Variants in PSME4 observed in about 807,000 individuals in gnomAD.
PSME4 encodes proteasome activator subunit 4, also known as proteasome activator complex subunit 4.
Under a neutral mutation model 253.9 loss-of-function variants are expected in PSME4, and 89 were observed. The observed-to-expected ratio is 0.35, with a 90% CI of 0.30 to 0.42. The LOEUF (loss-of-function observed/expected upper bound fraction) is 0.42. Among genes scored for constraint, PSME4 ranks in the 10% least tolerant of loss-of-function variants. The pLI is 1.00. For synonymous variants in PSME4, 851 were observed against 759.2 expected, an observed-to-expected ratio of 1.12 and a Z score of -1.99; for missense variants, 2,014 against 2,195.2, an observed-to-expected ratio of 0.92 and a Z score of 1.65.
chr2:53,951,243 C>T (rs1035221217), intron 1 of PSME4, among the ~76,000 whole-genome samples: 9 of 152,088 alleles, frequency 5.9e-5, no homozygotes, highest in African/African-American at 1.4e-4. Flanking sequence ...ACACCACGCC[C>T]GGCTAATTTT....
chr2:53,966,438 G>A (rs1477425141), intron 1 of PSME4, among the ~76,000 whole-genome samples: 1 of 152,108 alleles, frequency 6.6e-6, no homozygotes, highest in South Asian at 2.1e-4. Flanking sequence ...GGGGTGGCCA[G>A]ATCATTTGAG....
chr2:53,866,267 AC>A, intron 45 of PSME4, 44 bp from the exon 46 acceptor site: 2 of 1,600,320 alleles, frequency 1.2e-6, no homozygotes, highest in Non-Finnish European at 1.7e-6. Context: ...TCTCTGGACA[AC>A]CAGGATCATA....
chr2:53,908,225 G>C, intron 24 of PSME4, 95 bp downstream of exon 24: 2 of 936,666 alleles, frequency 2.1e-6, no homozygotes, highest in Non-Finnish European at 3.1e-6. Context: ...TTCCTTTTAG[G>C]AAAACTTCTT....
At chr2:53,868,521 TAA>T (rs1491521905) in intron 44 of PSME4, among the ~76,000 whole-genome samples, 1 of 57,996 alleles carries the variant, frequency 1.7e-5, no homozygotes, top group Non-Finnish European at 3.6e-5. Context: ...AATATATTTA[TAA>T]TATATATAAT....
In PSME4 at chr2:53,970,776, C is replaced by T. The variant is rs998386166; in HGVS notation, c.9G>A (p.Pro3=). ME[P]AERAGVGEPP... is the part of the protein sequence containing the mutation. ...GCTCTCCGACTCCCGCCCGCTCGGC[C>T]GGCTCCATGAGCCCAGGGACACCCC... The change falls in exon 1 of 47, where the codon CCG becomes CCA. Residue 3 remains proline (P), a synonymous_variant. Coordinates refer to ENST00000404125, the MANE Select transcript of PSME4 (RefSeq NM_014614.3). 6.5e-7 allele frequency: 1 copy of T among 1,541,802 alleles called. No individual in the cohort carries two copies. The highest frequency in any genetic ancestry group is 2.3e-4 in the Middle Eastern group (1 of 4,422).
At chr2:53,959,860 T>C (rs1417332444) in intron 1 of PSME4, among the ~76,000 whole-genome samples, 3 of 152,196 alleles carry the variant, frequency 2.0e-5, no homozygotes, top group East Asian at 1.9e-4. Context: ...AACAGTTCCT[T>C]TGGGCCAACA....
intron 41 of PSME4, among the ~76,000 whole-genome samples, chr2:53,880,422 T>C (rs570133544): frequency 2.6e-5 from 4 of 152,096 alleles, no homozygotes; most frequent in Admixed American, 2.6e-4. Flanking sequence ...TAGCAAGATA[T>C]CATCTCTTAA....
rs575497856 is a variant in PSME4 at position 53,904,123 on chromosome 2, C to A, written c.2977G>T (p.Ala993Ser). The A allele has an allele frequency of 1.2e-6, 2 of 1,612,762 alleles. No homozygotes were observed. The highest frequency in any genetic ancestry group is 1.7e-5 in the Admixed American group (1 of 59,876). ...RNKAQQTFFAALGAYNFCCRD... is the reference protein window; with the variant it reads ...RNKAQQTFFASLGAYNFCCRD... Reference sequence around the variant, plus strand: ...CAACAGAAGTTATATGCTCCCAAGGCAGCAAAAAATGTTTGCTGAGCCTTA... The same window carrying A: ...CAACAGAAGTTATATGCTCCCAAGGAAGCAAAAAATGTTTGCTGAGCCTTA... Residue 993 changes from alanine (A) to serine (S), a missense_variant, in exon 27 of 47, where the codon GCC (alanine) becomes TCC (serine). By Grantham distance (99) the Ala-to-Ser change is moderately conservative. Transcript: ENST00000404125.
intron 43 of PSME4, among the ~76,000 whole-genome samples, chr2:53,873,857 A>G (rs1478787330): frequency 6.6e-6 from 1 of 152,246 alleles, no homozygotes; most frequent in African/African-American, 2.4e-5. Flanking sequence ...CCAACTGCAA[A>G]GAAGACAGAA....
intron 27 of PSME4, among the ~76,000 whole-genome samples, chr2:53,903,444 T>C (rs1029534437): frequency 6.6e-6 from 1 of 152,204 alleles, no homozygotes; most frequent in African/African-American, 2.4e-5. Flanking sequence ...CCTGACAGTA[T>C]AAGCAATCAT....
At chr2:53,949,853 C>T (rs567249309) in intron 1 of PSME4, among the ~76,000 whole-genome samples, 2 of 152,178 alleles carry the variant, frequency 1.3e-5, no homozygotes, top group South Asian at 2.1e-4. Context: ...TTAAGATAAA[C>T]TTGATACTTA....
chr2:53,958,819 A>T (rs12477640), intron 1 of PSME4, among the ~76,000 whole-genome samples: 42 of 137,624 alleles, frequency 3.1e-4, no homozygotes, highest in African/African-American at 5.3e-4. Flanking sequence ...ATACATATTT[A>T]AAAAAAAAAA....
chr2:53,968,893 A>C (rs1251537115), intron 1 of PSME4, among the ~76,000 whole-genome samples: 1 of 152,212 alleles, frequency 6.6e-6, no homozygotes, highest in Non-Finnish European at 1.5e-5. Context: ...ACAATGCTTA[A>C]CTATGCCTTG....
At chr2:53,964,927 T>C (rs1039406010) in intron 1 of PSME4, among the ~76,000 whole-genome samples, 1 of 152,156 alleles carries the variant, frequency 6.6e-6, no homozygotes, top group Non-Finnish European at 1.5e-5. Context: ...TTCTAAAGGG[T>C]GCCACAGTTT....
chr2:53,968,919 A>G (rs1352600816), intron 1 of PSME4, among the ~76,000 whole-genome samples: 4 of 152,252 alleles, frequency 2.6e-5, no homozygotes, highest in Non-Finnish European at 5.9e-5. Context: ...TTCTAGGTTT[A>G]TAAATCCAAA....
At chr2:53,900,367 C>T (rs1210409281) in intron 28 of PSME4, among the ~76,000 whole-genome samples, 2 of 149,950 alleles carry the variant, frequency 1.3e-5, no homozygotes, top group East Asian at 2.0e-4. Flanking sequence ...GAGACCAGCC[C>T]GGGGAACACA....
In PSME4 at chr2:53,931,982, T is replaced by C. The variant is rs763583093; in HGVS notation, c.1169A>G (p.Asp390Gly). ...TTGTACAAAGTCTGTAACATCTTGA[T>C]CAGTAAGCTTGTGGCTATCAGGCAC... ...TPVPDSHKLT[D>G]QDVTDFVQCI... The change falls in exon 10 of 47, where the codon GAT becomes GGT. Residue 390 changes from aspartate to glycine, a missense_variant. This residue lies in a region of PSME4 where 615 missense variants were observed against 594.4 expected (regional missense o/e 1.03). Transcript: ENST00000404125. 5.0e-6 allele frequency: 8 copies of C among 1,613,988 alleles called. No individual in the cohort carries two copies.
rs774179033 is a variant in PSME4 at position 53,923,072 on chromosome 2, C to A, written c.1955G>T (p.Ser652Ile). 5 of 1,605,044 alleles carry A rather than the reference C, an allele frequency of 3.1e-6. No individual in the cohort carries two copies. Among genetic ancestry groups the A allele is most frequent in the Non-Finnish European group, 4.3e-6 (5 of 1,174,262 alleles). The stretch of plus-strand genomic sequence containing the variant: ...ACTCATTGTAAGCTGAGTTATAACA[C>A]TGCAGCAGTGGGGAACAAAGAGCTT... Reference protein sequence around the residue: ...SLKLFVPHCCSVITQLTMNDD... With the variant: ...SLKLFVPHCCIVITQLTMNDD... Residue 652 changes from serine (S) to isoleucine (I), a missense_variant, in exon 16 of 47, where the codon AGT (serine) becomes ATT (isoleucine). Ser to Ile is a moderately radical substitution (Grantham distance 142). Around this residue, in one of 4 missense-constraint regions of PSME4, gnomAD observed 989 missense variants for 1,021.1 expected, o/e 0.97. Coordinates refer to ENST00000404125, the MANE Select transcript of PSME4 (RefSeq NM_014614.3).
rs1174784454 is a variant in PSME4, at chr2:53,897,423, C to T, written c.3606+447G>A. On this transcript the variant is annotated intron_variant, in intron 31 of 46. Transcript: ENST00000404125. ...ACCTCAGGTGATCCACCTGCCTCAG[C>T]CTCCCAAAGTGCTGGGATTACAGGC... 1.1e-4 allele frequency among the ~76,000 whole-genome samples: 17 copies of T among 152,256 alleles called. No homozygotes were observed. In the East Asian group the frequency reaches 3.1e-3, roughly 28 times the overall value.
Sources: allele counts gnomAD v4.1 joint callset (sites outside exome capture counted in the v4.1 genomes callset), GRCh38; gene constraint gnomAD v4.1.1; regional missense constraint gnomAD v4.1.1; transcripts MANE v1.5; gene names NCBI Gene and HGNC (gene_info 2026-07-23, HGNC 2026-07-21).